Variants in RELN observed in about 807,000 individuals in gnomAD.
RELN encodes reelin.
Under a neutral mutation model 427.6 loss-of-function variants are expected in RELN, and 108 were observed. That is an observed-to-expected ratio of 0.25 (90% CI 0.22 to 0.30). RELN has a LOEUF of 0.30. Among genes scored for constraint, RELN ranks in the 10% least tolerant of loss-of-function variants. The probability of loss-of-function intolerance (pLI) is 1.00; values close to 1 mark genes in which losing one functional copy is unlikely to be tolerated. For synonymous variants in RELN, 1,524 were observed against 1,513.4 expected, an observed-to-expected ratio of 1.01 and a Z score of -0.16; for missense variants, 3,715 against 4,302.8, an observed-to-expected ratio of 0.86 and a Z score of 3.82.
chr7:103,784,917 G>T (rs1791980243), intron 3 of RELN, among the ~76,000 whole-genome samples: 1 of 152,122 alleles, frequency 6.6e-6, no homozygotes, highest in South Asian at 2.1e-4. Context: ...AATGATTAAT[G>T]TATGTTACAC....
chr7:103,729,652 T>G (rs2115943268), intron 6 of RELN, among the ~76,000 whole-genome samples: 1 of 152,312 alleles, frequency 6.6e-6, no homozygotes, highest in Non-Finnish European at 1.5e-5. Flanking sequence ...AGCAGTAGCT[T>G]CGTAAGGACA....
chr7:103,796,894 AGAAAG>A (rs1405151902), intron 3 of RELN, among the ~76,000 whole-genome samples: 43 of 116,628 alleles, frequency 3.7e-4, no homozygotes, highest in East Asian at 7.7e-4. Context: ...AAAAAAAAAA[AGAAAG>A]AAAGAAAAAG....
chr7:103,747,055 C>T (rs1481835159), intron 6 of RELN, among the ~76,000 whole-genome samples: 2 of 152,164 alleles, frequency 1.3e-5, no homozygotes, highest in African/African-American at 2.4e-5. Flanking sequence ...AAATGTGTCA[C>T]ATATACACCA....
At chr7:103,935,299 G>C (rs1446075292) in intron 1 of RELN, among the ~76,000 whole-genome samples, 1 of 152,082 alleles carries the variant, frequency 6.6e-6, no homozygotes. Flanking sequence ...TGCTCCACTA[G>C]AACAGCTCTC....
chr7:103,976,306 G>A (rs1254413345), intron 1 of RELN, among the ~76,000 whole-genome samples: 1 of 152,196 alleles, frequency 6.6e-6, no homozygotes, highest in Non-Finnish European at 1.5e-5. Context: ...GGAAATATAC[G>A]ATGTCTTAGG....
intron 3 of RELN, among the ~76,000 whole-genome samples, chr7:103,825,371 T>C (rs1793112157): frequency 6.6e-6 from 1 of 152,068 alleles, no homozygotes; most frequent in African/African-American, 2.4e-5. Context: ...CCAGAGGCAA[T>C]TCTCACTTGT....
intron 3 of RELN, among the ~76,000 whole-genome samples, chr7:103,786,975 AAAAG>A: frequency 6.6e-6 from 1 of 152,192 alleles, no homozygotes; most frequent in Non-Finnish European, 1.5e-5. Flanking sequence ...CAGCAAATGG[AAAAG>A]AAAGGAAATC....
chr7:103,880,075 C>T (rs911476342), intron 2 of RELN, among the ~76,000 whole-genome samples: 7 of 151,858 alleles, frequency 4.6e-5, no homozygotes, highest in African/African-American at 9.7e-5. Context: ...TACAAAAATA[C>T]CATCATTCTG....
At chr7:103,653,327 C>G (rs1018447046) in intron 13 of RELN, among the ~76,000 whole-genome samples, 4 of 152,058 alleles carry the variant, frequency 2.6e-5, no homozygotes, top group Admixed American at 2.6e-4. Flanking sequence ...AATGGTATAA[C>G]TTGGGTTACC....
At chr7:103,734,412 G>C (rs1351026858) in intron 6 of RELN, among the ~76,000 whole-genome samples, 3 of 152,080 alleles carry the variant, frequency 2.0e-5, no homozygotes, top group Non-Finnish European at 4.4e-5. Context: ...ATGAAAAACA[G>C]AACATAAGAA....
chr7:103,647,479 A>T (rs1832820805), intron 16 of RELN, among the ~76,000 whole-genome samples: 1 of 151,850 alleles, frequency 6.6e-6, no homozygotes, highest in Non-Finnish European at 1.5e-5. Context: ...AATACCTAGG[A>T]ATACATTTAC....
chr7:103,828,212 A>C (rs1188824286), intron 3 of RELN, among the ~76,000 whole-genome samples: 8 of 152,054 alleles, frequency 5.3e-5, no homozygotes, highest in Admixed American at 2.0e-4. Flanking sequence ...AGATACACTC[A>C]AGGCAGCACT....
chr7:103,768,715 G>A (rs923310959), intron 4 of RELN, among the ~76,000 whole-genome samples: 2 of 152,142 alleles, frequency 1.3e-5, no homozygotes, highest in East Asian at 1.9e-4. Flanking sequence ...TTCAAAAAGC[G>A]CTCAGTTGGG....
At chr7:103,490,998 C>T (rs1475102326) in intron 58 of RELN, among the ~76,000 whole-genome samples, 169 bp from the exon 59 acceptor site, 3 of 152,150 alleles carry the variant, frequency 2.0e-5, no homozygotes, top group Admixed American at 6.5e-5. Flanking sequence ...AATATTTTCT[C>T]TTAAGAAATA....
Position 103,824,507 on chromosome 7 carries a change from G to C in RELN, c.473+9030C>G, listed in dbSNP as rs770245626. On this transcript the variant is annotated intron_variant, in intron 3 of 64. Transcript: ENST00000428762. The surrounding 1 kb of genome is among the most constrained non-coding windows in gnomAD (Gnocchi z 4.4). ...ATATAGGTTAAAACTCCAGATCTAG[G>C]ACCTAAATCAGGTTTAAGAGACCTG... is the stretch of plus-strand genomic sequence containing the variant. Among the ~76,000 whole-genome samples, 1 of 151,894 alleles carries C rather than the reference G, an allele frequency of 6.6e-6. No homozygotes were observed. Among genetic ancestry groups the C allele is most frequent in the Non-Finnish European group, 1.5e-5 (1 of 67,974 alleles).
intron 2 of RELN, among the ~76,000 whole-genome samples, chr7:103,872,338 T>G (rs960167633): frequency 5.7e-5 from 8 of 139,210 alleles, no homozygotes; most frequent in African/African-American, 2.0e-4. Context: ...CTTGCGATAG[T>G]TTACTGAGAA....
At chr7:103,633,967 A>T (rs1584362563) in intron 19 of RELN, among the ~76,000 whole-genome samples, 1 of 152,268 alleles carries the variant, frequency 6.6e-6, no homozygotes, top group South Asian at 2.1e-4. Context: ...GAAAATACCC[A>T]ATACAGCTGG....
Position 103,472,868 on chromosome 7 carries a change from G to C in RELN, c.10327C>G (p.His3443Asp). The C allele has an allele frequency of 6.2e-7, 1 of 1,613,968 alleles. No individual in the cohort carries two copies. The highest frequency in any genetic ancestry group is 8.5e-7 in the Non-Finnish European group (1 of 1,179,862). Residue 3443 changes from histidine to aspartate, a missense_variant, in exon 65 of 65, where the codon CAT (histidine) becomes GAT (aspartate). Transcript: ENST00000428762. ...QNYMMNFSRQHGLRHFYNRRR... is the reference protein window; with the variant it reads ...QNYMMNFSRQDGLRHFYNRRR... ...CTGTTGTAGAAATGTCTGAGCCCAT[G>C]TTGTCGTGAAAAATTCATCATGTAA...
In RELN at chr7:103,812,779, T is replaced by G. The variant is rs187167309; in HGVS notation, c.473+20758A>C. 6.9e-4 allele frequency among the ~76,000 whole-genome samples: 105 copies of G among 152,336 alleles called. 3 individuals carry two copies. The East Asian group carries it at 0.018, about 26-fold the overall frequency. On this transcript the variant is annotated intron_variant, in intron 3 of 64. Transcript: ENST00000428762. ...ATGCAGAATCTCAATACAAGAATAC[T>G]AAATACAGTAGCATTTTAACTATAT...
Sources: gnomAD v4.1 joint callset for allele counts (sites outside exome capture counted in the v4.1 genomes callset) on GRCh38, gnomAD v4.1.1 for gene constraint, Gnocchi (gnomAD v3.1) non-coding constraint, MANE v1.5 for transcripts, NCBI Gene and HGNC (gene_info 2026-07-23, HGNC 2026-07-21) for gene names.